ATF6: variants seen among roughly 807,000 people sequenced by gnomAD.
The protein encoded by ATF6 is activating transcription factor 6, also known as cyclic AMP-dependent transcription factor ATF-6 alpha.
A neutral mutation model predicts 83.6 loss-of-function variants in ATF6; 53 were observed. That is an observed-to-expected ratio of 0.63 (90% confidence interval 0.51 to 0.80). ATF6 has a LOEUF of 0.80. ATF6 is among the 30% of genes least tolerant of loss of function. The probability of loss-of-function intolerance (pLI) is 0.00; values close to 1 mark genes in which losing one functional copy is unlikely to be tolerated. For missense variants in ATF6, 744 were observed against 797.9 expected (o/e 0.93, Z 0.81); for synonymous variants, 288 against 285.8 (o/e 1.01, Z -0.08).
chr1:161,873,980 G>A (rs1687163819), intron 14 of ATF6, among the ~76,000 whole-genome samples: 1 of 151,724 alleles, frequency 6.6e-6, no homozygotes, highest in South Asian at 2.1e-4. Context: ...TAAAGAAATT[G>A]TGATAGTCTA....
intron 14 of ATF6, among the ~76,000 whole-genome samples, chr1:161,871,441 C>T (rs1366855214): frequency 6.6e-6 from 1 of 151,410 alleles, no homozygotes; most frequent in Non-Finnish European, 1.5e-5. Context: ...ACCCCCGTGA[C>T]ATGAGTTTAC....
chr1:161,889,944 C>A (rs1301469494), intron 14 of ATF6, among the ~76,000 whole-genome samples: 1 of 152,210 alleles, frequency 6.6e-6, no homozygotes, highest in Non-Finnish European at 1.5e-5. Flanking sequence ...ACAGAAAAGT[C>A]ACATGAATAC....
chr1:161,785,865 ATC>A (rs1272672849), intron 4 of ATF6, among the ~76,000 whole-genome samples: 2 of 151,942 alleles, frequency 1.3e-5, no homozygotes, highest in African/African-American at 4.8e-5. Context: ...TTTGTTTTAT[ATC>A]TCTTTTATTA....
rs1312945143 is a variant in ATF6, at chr1:161,915,645, G to A, written c.1804+3265G>A. On this transcript the variant is annotated intron_variant, in intron 15 of 15. Coordinates refer to ENST00000367942, the MANE Select transcript of ATF6 (RefSeq NM_007348.4). ...ATGTCTTTTTTTTTTTTTCCTCGAGGGAGGGACTCATTCTGTTGCCCAGGC... is the reference window on the plus strand; with the variant it reads ...ATGTCTTTTTTTTTTTTTCCTCGAGAGAGGGACTCATTCTGTTGCCCAGGC... 1.2e-4 allele frequency among the ~76,000 whole-genome samples: 18 copies of A among 151,264 alleles called. No individual in the cohort carries two copies. In the East Asian group the frequency reaches 3.3e-3, roughly 28 times the overall value.
At position 161,962,912 on chromosome 1, in the gene ATF6, A is replaced by G. The variant is rs188509533; in HGVS notation, c.*4258A>G. On this transcript the variant is annotated 3_prime_UTR_variant, in exon 16 of 16. Transcript: ENST00000367942. Reference sequence around the variant, plus strand: ...TCCTGAGTCATTTTAACTTACAGAAATTAGGATTGTTGCTGCTAATATGAA... The same window carrying G: ...TCCTGAGTCATTTTAACTTACAGAAGTTAGGATTGTTGCTGCTAATATGAA... 9.2e-5 allele frequency: 14 copies of G among 152,366 alleles called. No homozygotes were observed. Among genetic ancestry groups the G allele is most frequent in the Admixed American group, 2.6e-4 (4 of 15,308 alleles). The allele number at this position is 152,366 out of a possible 1,614,324, so 9.4% of individuals were successfully genotyped here.
chr1:161,872,738 T>C (rs548015567), intron 14 of ATF6, among the ~76,000 whole-genome samples: 1 of 151,520 alleles, frequency 6.6e-6, no homozygotes, highest in Non-Finnish European at 1.5e-5. Context: ...AGATTACATT[T>C]ATTGTAGAGT....
At chr1:161,780,214 T>C (rs1571122134) in intron 2 of ATF6, among the ~76,000 whole-genome samples, 1 of 152,084 alleles carries the variant, frequency 6.6e-6, no homozygotes. Flanking sequence ...CATAAGAAAA[T>C]AGTTTCCCTT....
chr1:161,885,544 A>G (rs986356339), intron 14 of ATF6, among the ~76,000 whole-genome samples: 10 of 152,162 alleles, frequency 6.6e-5, no homozygotes, highest in Non-Finnish European at 1.2e-4. Context: ...TATAAAGCCC[A>G]GAAGATTCCT....
intron 14 of ATF6, among the ~76,000 whole-genome samples, chr1:161,863,901 G>GA (rs966246321): frequency 2.2e-4 from 33 of 152,150 alleles, no homozygotes; most frequent in African/African-American, 7.5e-4. Context: ...AGGCTAAATG[G>GA]AAAAAATGCA....
intron 9 of ATF6, among the ~76,000 whole-genome samples, chr1:161,824,941 A>T (rs1355786638): frequency 4.6e-5 from 7 of 152,184 alleles, no homozygotes; most frequent in Admixed American, 2.0e-4. Flanking sequence ...TATAGGCATT[A>T]AAAAAATGAA....
intron 12 of ATF6, among the ~76,000 whole-genome samples, chr1:161,859,981 A>T (rs948298220): frequency 6.6e-6 from 1 of 152,100 alleles, no homozygotes. Flanking sequence ...CTTTAAACTT[A>T]ATGGAAAGTG....
At chr1:161,916,864 A>G (rs569576213) in intron 15 of ATF6, among the ~76,000 whole-genome samples, 96 of 152,352 alleles carry the variant, frequency 6.3e-4, no homozygotes, top group African/African-American at 2.2e-3. Flanking sequence ...TGTTGTCACT[A>G]CTTCAAAAAA....
rs552953549 is a variant in ATF6 at position 161,841,651 on chromosome 1, CTG to C, written c.1188-4794_1188-4793del. Among the ~76,000 whole-genome samples, 3 of 152,222 alleles carry C rather than the reference CTG, an allele frequency of 2.0e-5. No individual in the cohort carries two copies. The South Asian group carries it at 6.2e-4, about 32-fold the overall frequency. The stretch of plus-strand genomic sequence containing the variant: ...CCTTGTTGAAAATACTTTATTGACT[CTG>C]TGTAATGTAAATAAGATAATTTTTG... On this transcript the variant is annotated intron_variant, in intron 9 of 15. Coordinates refer to ENST00000367942, the MANE Select transcript of ATF6 (RefSeq NM_007348.4).
At chr1:161,818,302 C>G in intron 7 of ATF6, among the ~76,000 whole-genome samples, 1 of 152,154 alleles carries the variant, frequency 6.6e-6, no homozygotes, top group East Asian at 1.9e-4. Context: ...TTTGCCACCT[C>G]TCTCACTTCC....
At chr1:161,819,942 A>C in intron 8 of ATF6, 124 bp downstream of exon 8, 1 of 912,034 alleles carries the variant, frequency 1.1e-6, no homozygotes, top group Non-Finnish European at 1.6e-6. Flanking sequence ...AGGAGGGTAT[A>C]ATAAGTCCTA....
intron 15 of ATF6, among the ~76,000 whole-genome samples, chr1:161,917,170 G>A (rs547422238): frequency 6.6e-6 from 1 of 152,336 alleles, no homozygotes; most frequent in South Asian, 2.1e-4. Context: ...TGCCAGTTAA[G>A]TGCAGGCTAA....
At position 161,914,469 on chromosome 1, in the gene ATF6, C is replaced by G. The variant is rs550613901; in HGVS notation, c.1804+2089C>G. Among the ~76,000 whole-genome samples, 24 of 152,336 alleles carry G rather than the reference C, an allele frequency of 1.6e-4. No individual in the cohort carries two copies. In the South Asian group the frequency reaches 4.6e-3, roughly 29 times the overall value. On this transcript the variant is annotated intron_variant, in intron 15 of 15. Coordinates refer to ENST00000367942, the MANE Select transcript of ATF6 (RefSeq NM_007348.4). The stretch of plus-strand genomic sequence containing the variant: ...CCTCTGTCATCCTGCTGTCTAACTT[C>G]AGCATCCGCATAGAGGAGTCATTAG...
intron 7 of ATF6, among the ~76,000 whole-genome samples, chr1:161,815,154 T>A (rs746755197): frequency 6.6e-6 from 1 of 151,740 alleles, no homozygotes. Context: ...GATATTCGAA[T>A]GTATTTCTTA....
intron 15 of ATF6, among the ~76,000 whole-genome samples, chr1:161,939,481 A>G (rs1039529806): frequency 4.6e-5 from 7 of 152,236 alleles, no homozygotes; most frequent in African/African-American, 1.4e-4. Flanking sequence ...AATATAGGCT[A>G]CTATGACAGA....
Sources: gnomAD v4.1 joint callset for allele counts (sites outside exome capture counted in the v4.1 genomes callset) on GRCh38, gnomAD v4.1.1 for gene constraint, MANE v1.5 for transcripts, NCBI Gene and HGNC (gene_info 2026-07-23, HGNC 2026-07-21) for gene names.